Variants in AQR observed in about 807,000 individuals in gnomAD.
The protein encoded by AQR is RNA helicase aquarius.
AQR carries 61 observed loss-of-function variants against 180.5 expected under a neutral mutation model. That is an observed-to-expected ratio of 0.34 (90% CI 0.28 to 0.42). The LOEUF is 0.42. Among genes scored for constraint, AQR ranks in the 10% least tolerant of loss-of-function variants. The probability of loss-of-function intolerance (pLI) is 1.00; values close to 1 mark genes in which losing one functional copy is unlikely to be tolerated. For missense variants in AQR, 1,281 were observed against 1,798.3 expected (o/e 0.71, Z 5.20); for synonymous variants, 551 against 588.8 (o/e 0.94, Z 0.93).
intron 30 of AQR, among the ~76,000 whole-genome samples, chr15:34,872,673 A>T (rs1892836508): frequency 6.6e-6 from 1 of 152,156 alleles, no homozygotes; most frequent in African/African-American, 2.4e-5. Context: ...CATTAAGTAC[A>T]CAAATAGAGT....
intron 33 of AQR, among the ~76,000 whole-genome samples, chr15:34,861,123 A>C (rs1413394501): frequency 1.3e-5 from 2 of 152,242 alleles, no homozygotes; most frequent in Admixed American, 6.5e-5. Context: ...AACATACCCC[A>C]AAAAAGGAGG....
intron 2 of AQR, among the ~76,000 whole-genome samples, chr15:34,963,661 C>CT (rs35112194): frequency 8.7e-5 from 13 of 148,676 alleles, no homozygotes; most frequent in East Asian, 2.0e-4. Context: ...TACACGTACA[C>CT]TTTTTTTTTT....
At chr15:34,943,385 G>A (rs1894057548) in intron 6 of AQR, 2 of 1,351,350 alleles carry the variant, frequency 1.5e-6, no homozygotes, top group East Asian at 2.3e-5. Context: ...AGGGCCAAGT[G>A]ATTCAGTTCT....
At chr15:34,913,314 T>C (rs1027128458) in intron 16 of AQR, among the ~76,000 whole-genome samples, 1 of 152,208 alleles carries the variant, frequency 6.6e-6, no homozygotes, top group African/African-American at 2.4e-5. Context: ...CATCCTCTCT[T>C]ACTGCTGGTT....
Position 34,900,671 on chromosome 15 carries a change from T to G in AQR, c.2194A>C (p.Asn732His). The G allele has an allele frequency of 1.2e-6, 2 of 1,614,148 alleles. No individual in the cohort carries two copies. Among genetic ancestry groups the G allele is most frequent in the Non-Finnish European group, 8.5e-7 (1 of 1,180,012 alleles). Residue 732 changes from asparagine to histidine, a missense_variant, in exon 20 of 35, where the codon AAT (asparagine) becomes CAT (histidine). Asn to His is a moderately conservative substitution (Grantham distance 68). Around this residue, in one of 9 missense-constraint regions of AQR, gnomAD observed 112 missense variants for 128.6 expected, o/e 0.87. Coordinates refer to ENST00000156471, the MANE Select transcript of AQR (RefSeq NM_014691.3). ...EHLKASFPGH[N>H]VKVTVEDPAL... ...GGGTCTTCTACAGTTACTTTAACATTATGACCAGGGAAGCTGGCTTTTAAA... is the reference window on the plus strand; with the variant it reads ...GGGTCTTCTACAGTTACTTTAACATGATGACCAGGGAAGCTGGCTTTTAAA...
chr15:34,920,216 G>T, intron 14 of AQR, 116 bp downstream of exon 14: 1 of 650,012 alleles, frequency 1.5e-6, no homozygotes, highest in Non-Finnish European at 2.6e-6. Context: ...AACAAAATGG[G>T]AATTATCTGC....
chr15:34,873,024 C>T (rs1269649844), intron 30 of AQR, among the ~76,000 whole-genome samples: 1 of 151,720 alleles, frequency 6.6e-6, no homozygotes, highest in African/African-American at 2.4e-5. Flanking sequence ...CTTTTTTCCA[C>T]TTAATATAGC....
chr15:34,921,466 T>C (rs1363852141), intron 13 of AQR, among the ~76,000 whole-genome samples: 1 of 151,676 alleles, frequency 6.6e-6, no homozygotes, highest in Admixed American at 6.6e-5. Flanking sequence ...ACAAACTGTT[T>C]ATACCAGCCT....
intron 28 of AQR, among the ~76,000 whole-genome samples, chr15:34,875,310 T>C (rs1892875061): frequency 6.6e-6 from 1 of 152,204 alleles, no homozygotes; most frequent in Non-Finnish European, 1.5e-5. Flanking sequence ...TCTACACTAC[T>C]ACTTCAATTT....
At chr15:34,961,163 T>C (rs761122160) in intron 2 of AQR, among the ~76,000 whole-genome samples, 31 of 152,190 alleles carry the variant, frequency 2.0e-4, no homozygotes, top group Non-Finnish European at 3.8e-4. Flanking sequence ...CATAACTGTG[T>C]GCCTGCAAAA....
chr15:34,891,343 CA>C (rs1373786860), intron 23 of AQR, among the ~76,000 whole-genome samples: 1 of 152,138 alleles, frequency 6.6e-6, no homozygotes, highest in Non-Finnish European at 1.5e-5. Flanking sequence ...AAAACCCCCA[CA>C]AACTTGCACA....
chr15:34,965,469 A>G (rs1595368479), intron 1 of AQR, among the ~76,000 whole-genome samples: 1 of 152,110 alleles, frequency 6.6e-6, no homozygotes, highest in African/African-American at 2.4e-5. Context: ...TCAGGAGTTC[A>G]AGACCAGCCT....
At chr15:34,916,409 A>G (rs114208176) in intron 15 of AQR, among the ~76,000 whole-genome samples, 2,562 of 151,698 alleles carry the variant, frequency 0.017, 73 homozygotes, top group African/African-American at 0.057. Context: ...TTTTACTGAT[A>G]AGTCATAGTC....
intron 26 of AQR, 89 bp from the exon 27 acceptor site, chr15:34,882,728 A>G: frequency 9.0e-7 from 1 of 1,108,438 alleles, no homozygotes; most frequent in Non-Finnish European, 1.2e-6. Context: ...AATTCCTGAG[A>G]AATTAACATA....
intron 18 of AQR, 154 bp downstream of exon 18, chr15:34,906,391 G>C: frequency 1.2e-6 from 1 of 814,300 alleles, no homozygotes; most frequent in East Asian, 2.9e-5. Context: ...AAAACTGCAC[G>C]GTAGGTACCC....
At chr15:34,867,783 C>A (rs1002276854) in intron 31 of AQR, 174 bp from the exon 32 acceptor site, 5 of 544,180 alleles carry the variant, frequency 9.2e-6, no homozygotes, top group Admixed American at 7.3e-5. Flanking sequence ...AGAAACCATA[C>A]TAATCAGATC....
intron 13 of AQR, among the ~76,000 whole-genome samples, chr15:34,923,421 T>A (rs2140487815): frequency 6.6e-6 from 1 of 152,280 alleles, no homozygotes; most frequent in South Asian, 2.1e-4. Context: ...TCAATGTCTT[T>A]CAAAGAGCAG....
At chr15:34,911,413 T>C (rs1034420422) in intron 16 of AQR, among the ~76,000 whole-genome samples, 3 of 152,180 alleles carry the variant, frequency 2.0e-5, no homozygotes, top group African/African-American at 7.2e-5. Flanking sequence ...CCACCAATAG[T>C]GTATAAGAGT....
chr15:34,965,285 C>T lies in AQR; in HGVS notation c.76-995G>A, dbSNP rs1158143339. ...TTTGCTTTTATAGCTCAGTGATGAA[C>T]ACATACAACACACTTAAAGAGCCTC... On this transcript the variant is annotated intron_variant, in intron 1 of 34. Coordinates refer to ENST00000156471, the MANE Select transcript of AQR (RefSeq NM_014691.3). Among the ~76,000 whole-genome samples, 4 of 151,826 alleles carry T rather than the reference C, an allele frequency of 2.6e-5. 1 individual carries two copies. Among genetic ancestry groups the T allele is most frequent in the Admixed American group, 2.6e-4 (4 of 15,242 alleles).
Sources: allele counts gnomAD v4.1 joint callset (sites outside exome capture counted in the v4.1 genomes callset), GRCh38; gene constraint gnomAD v4.1.1; regional missense constraint gnomAD v4.1.1; transcripts MANE v1.5; gene names NCBI Gene and HGNC (gene_info 2026-07-23, HGNC 2026-07-21).